LYN: variants seen among roughly 807,000 people sequenced by gnomAD.
The protein encoded by LYN is LYN proto-oncogene, Src family tyrosine kinase.
LYN carries 12 observed loss-of-function variants against 65.0 expected under a neutral mutation model. The ratio of observed to expected loss-of-function variants is 0.18; its 90% CI spans 0.12 to 0.30. The LOEUF (loss-of-function observed/expected upper bound fraction) is 0.30, where lower values mean the gene tolerates loss of function less well. Ranked by LOEUF, LYN falls within the 10% of genes least tolerant of loss-of-function variation. The pLI is 1.00. For synonymous variants in LYN, 222 were observed against 221.2 expected (o/e 1.00, Z -0.03); for missense variants, 380 against 623.2 (o/e 0.61, Z 4.16).
Position 56,011,876 on chromosome 8 carries a change from T to C in LYN, c.*1766T>C. The C allele has an allele frequency of 5.4e-6, 1 of 185,830 alleles. No individual in the cohort carries two copies. The highest frequency in any genetic ancestry group is 8.7e-5 in the East Asian group (1 of 11,488). The allele number at this position is 185,830 out of a possible 1,614,324, so 11.5% of individuals were successfully genotyped here. ...TTTGTGTACACCCCCCTGCTTGCATTTTATTTCAGAACCACAAGTATTACC... is the reference window on the plus strand; with the variant it reads ...TTTGTGTACACCCCCCTGCTTGCATCTTATTTCAGAACCACAAGTATTACC... On this transcript the variant is annotated 3_prime_UTR_variant, in exon 13 of 13. Transcript: ENST00000519728.
intron 12 of LYN, among the ~76,000 whole-genome samples, chr8:56,001,156 G>C (rs1808500211): frequency 6.6e-6 from 1 of 152,170 alleles, no homozygotes; most frequent in African/African-American, 2.4e-5. Context: ...ATGTCCCCAT[G>C]GGGAGAGCAG....
chr8:55,881,560 T>C (rs551216093), intron 1 of LYN, among the ~76,000 whole-genome samples: 1 of 152,328 alleles, frequency 6.6e-6, no homozygotes, highest in East Asian at 1.9e-4. Flanking sequence ...CACTGGATCA[T>C]AGAGTCTTTG....
At chr8:56,003,371 G>A (rs1269018940) in intron 12 of LYN, among the ~76,000 whole-genome samples, 4 of 152,022 alleles carry the variant, frequency 2.6e-5, no homozygotes, top group Admixed American at 6.6e-5. Flanking sequence ...TGTGTTGTTC[G>A]TTTTTAAAGT....
rs1392150799 is a variant in LYN at position 55,984,659 on chromosome 8, C to T, written c.1051-13687C>T. The stretch of plus-strand genomic sequence containing the variant: ...GTAATCTAGGAGCTGGCTCTCTACT[C>T]CTGTGCTCAGCTGTGGCTTCCCCCA... On this transcript the variant is annotated intron_variant, in intron 10 of 12. Transcript: ENST00000519728. Among the ~76,000 whole-genome samples the T allele has an allele frequency of 2.6e-5, 4 of 152,212 alleles. No homozygotes were observed. In the East Asian group the frequency reaches 7.7e-4, roughly 29 times the overall value.
chr8:55,914,694 G>A lies in LYN; in HGVS notation c.-5-27161G>A, dbSNP rs115906207. Among the ~76,000 whole-genome samples the A allele has an allele frequency of 6.5e-3, 991 of 152,150 alleles. 14 individuals are homozygous for A. Among genetic ancestry groups the A allele is most frequent in the African/African-American group, 0.022 (924 of 41,496 alleles). ...CTTCTACCTCCTTTTCATCAGCCTC[G>A]CTCACCTTACCCTTCCAGACATGAG... On this transcript the variant is annotated intron_variant, in intron 1 of 12. Coordinates refer to ENST00000519728, the MANE Select transcript of LYN (RefSeq NM_002350.4).
At chr8:55,920,098 T>C (rs1259236723) in intron 1 of LYN, among the ~76,000 whole-genome samples, 2 of 152,348 alleles carry the variant, frequency 1.3e-5, no homozygotes, top group Non-Finnish European at 2.9e-5. Flanking sequence ...TTCTGCCAAA[T>C]ATGTGAGCAT....
At chr8:55,957,769 C>T (rs1052304251) in intron 8 of LYN, among the ~76,000 whole-genome samples, 2 of 151,990 alleles carry the variant, frequency 1.3e-5, no homozygotes, top group African/African-American at 4.8e-5. Context: ...ATGGTGAAAC[C>T]CTGTCTCTAT....
In LYN at chr8:56,008,124, A is replaced by AAAAAAAAAAT. The variant is rs1221275260; in HGVS notation, c.1337-1780_1337-1779insAAAAATAAAA. Among the ~76,000 whole-genome samples the AAAAAAAAAAT allele has an allele frequency of 4.9e-3, 425 of 86,706 alleles. 3 individuals carry two copies. The highest frequency in any genetic ancestry group is 0.017 in the African/African-American group (413 of 24,546). The allele number at this position is 86,706 out of a possible 152,430, so 56.9% of individuals were successfully genotyped here. ...AAAGAGGGAGACTCTGCCTCAAAAA[A>AAAAAAAAAAT]AAAATAAAATAAAATAAAATAAAAT... is the stretch of plus-strand genomic sequence containing the variant. On this transcript the variant is annotated intron_variant, in intron 12 of 12. Transcript: ENST00000519728.
rs1369796828 is a variant in LYN at position 55,966,774 on chromosome 8, G to A, written c.850G>A (p.Val284Met). Residue 284 changes from valine (V) to methionine (M), a missense_variant, in exon 9 of 13, where the codon GTG becomes ATG. Physicochemically the swap from Val to Met is conservative, Grantham distance 21. Coordinates refer to ENST00000519728, the MANE Select transcript of LYN (RefSeq NM_002350.4). ...VKTLKPGTMS[V>M]QAFLEEANLM... ...AACCCTGAAGCCAGGAACTATGTCT[G>A]TGCAAGCCTTCCTGGAAGAAGCCAA... The A allele has an allele frequency of 6.2e-7, 1 of 1,613,994 alleles. No individual in the cohort carries two copies. Among genetic ancestry groups the A allele is most frequent in the East Asian group, 2.2e-5 (1 of 44,896 alleles).
intron 1 of LYN, among the ~76,000 whole-genome samples, chr8:55,934,002 C>T (rs912897627): frequency 9.2e-5 from 14 of 152,074 alleles, no homozygotes; most frequent in Admixed American, 3.9e-4. Flanking sequence ...CCAAGGCGGG[C>T]GGATCACAAG....
Position 55,896,839 on chromosome 8 carries a change from A to G in LYN, c.-6+16736A>G, listed in dbSNP as rs539621904. ...CCGCAACCTCTGCCTTCCGGGTTCA[A>G]GCAATTCTCCCTACCTCAGCCTCCT... On this transcript the variant is annotated intron_variant, in intron 1 of 12. Transcript: ENST00000519728. Among the ~76,000 whole-genome samples the G allele has an allele frequency of 3.0e-4, 46 of 152,206 alleles. No homozygotes were observed. The South Asian group carries it at 9.5e-3, about 32-fold the overall frequency.
Position 56,012,409 on chromosome 8 carries a change from G to A in LYN, c.*2299G>A, listed in dbSNP as rs377695215. ...ACTTAGCTGTTGTGCAGCGGGAGATGTATGTCAGTCTATTTTAAAAGCTTC... is the reference window on the plus strand; with the variant it reads ...ACTTAGCTGTTGTGCAGCGGGAGATATATGTCAGTCTATTTTAAAAGCTTC... On this transcript the variant is annotated 3_prime_UTR_variant, in exon 13 of 13. Coordinates refer to ENST00000519728, the MANE Select transcript of LYN (RefSeq NM_002350.4). 1.1e-5 allele frequency: 2 copies of A among 177,950 alleles called. No homozygotes were observed. Among genetic ancestry groups the A allele is most frequent in the African/African-American group, 4.7e-5 (2 of 42,268 alleles). The allele number at this position is 177,950 out of a possible 1,614,324, so 11.0% of individuals were successfully genotyped here. A position where few individuals can be genotyped will look rare whatever the true frequency, so the allele number is the denominator to read the frequency against.
chr8:55,953,080 T>C (rs1161413699), intron 7 of LYN, among the ~76,000 whole-genome samples: 1 of 152,184 alleles, frequency 6.6e-6, no homozygotes, highest in African/African-American at 2.4e-5. Context: ...GATTCTTGCC[T>C]TCCTCCGCCC....
chr8:55,968,103 T>C (rs1807512244), intron 9 of LYN, among the ~76,000 whole-genome samples: 1 of 152,210 alleles, frequency 6.6e-6, no homozygotes, highest in Non-Finnish European at 1.5e-5. Context: ...CAATTAGCTC[T>C]TGTGGCTTGG....
intron 1 of LYN, among the ~76,000 whole-genome samples, chr8:55,904,893 T>G (rs1179684024): frequency 6.6e-6 from 1 of 152,190 alleles, no homozygotes; most frequent in African/African-American, 2.4e-5. Context: ...GGTTGTAGTG[T>G]AGAGTGTGGC....
At chr8:55,977,669 T>C (rs895391729) in intron 10 of LYN, among the ~76,000 whole-genome samples, 8 of 151,580 alleles carry the variant, frequency 5.3e-5, no homozygotes, top group African/African-American at 1.9e-4. Flanking sequence ...TCCCAGCTCT[T>C]TGGGAGGCTG....
At chr8:55,978,491 G>A (rs1342421739) in intron 10 of LYN, among the ~76,000 whole-genome samples, 1 of 152,214 alleles carries the variant, frequency 6.6e-6, no homozygotes, top group South Asian at 2.1e-4. Flanking sequence ...GGCAGCTAGC[G>A]TGGACAGGCA....
intron 1 of LYN, among the ~76,000 whole-genome samples, chr8:55,928,366 C>T (rs1285362611): frequency 6.6e-6 from 1 of 152,074 alleles, no homozygotes; most frequent in Non-Finnish European, 1.5e-5. Context: ...GGCTGGTCTC[C>T]AACTCCTGAC....
chr8:55,896,275 A>G (rs189837159), intron 1 of LYN, among the ~76,000 whole-genome samples: 1 of 152,260 alleles, frequency 6.6e-6, no homozygotes. Context: ...CATCTCTGAA[A>G]AAAAAAGAAA....
Sources: gnomAD v4.1 joint callset for allele counts (sites outside exome capture counted in the v4.1 genomes callset) on GRCh38, gnomAD v4.1.1 for gene constraint, MANE v1.5 for transcripts, NCBI Gene and HGNC (gene_info 2026-07-23, HGNC 2026-07-21) for gene names.